TENM3: variants seen among roughly 807,000 people sequenced by gnomAD.
The protein encoded by TENM3 is teneurin transmembrane protein 3.
A neutral mutation model predicts 255.1 loss-of-function variants in TENM3; 63 were observed. That is an observed-to-expected ratio of 0.25 (90% confidence interval 0.20 to 0.30). The LOEUF is 0.30. Ranked by LOEUF, TENM3 falls within the 10% of genes least tolerant of loss-of-function variation. TENM3 has a pLI of 1.00. For synonymous variants in TENM3, 1,306 were observed against 1,322.3 expected, an observed-to-expected ratio of 0.99 and a Z score of 0.27; for missense variants, 2,929 against 3,461.1, an observed-to-expected ratio of 0.85 and a Z score of 3.86.
At chr4:181,979,095 GACATAT>G in the TENM3 span, among the ~76,000 whole-genome samples, 2 of 72,162 alleles carry the variant, frequency 2.8e-5, no homozygotes, top group African/African-American at 1.1e-4. Context: ...CATTAAGCCT[GACATAT>G]ATATATATAT....
At chr4:182,027,130 A>T in the TENM3 span, among the ~76,000 whole-genome samples, 1 of 151,982 alleles carries the variant, frequency 6.6e-6, no homozygotes, top group African/African-American at 2.4e-5. Context: ...TTCTTTCATC[A>T]GCAGTTTATA....
intron 5 of TENM3, among the ~76,000 whole-genome samples, chr4:182,639,138 ATTT>A (rs1333890410): frequency 6.6e-6 from 1 of 152,238 alleles, no homozygotes; most frequent in Non-Finnish European, 1.5e-5. Flanking sequence ...AAGAAGTAAT[ATTT>A]ATCACAGTGA....
chr4:182,354,416 A>G (rs1419960988), intron 3 of TENM3, among the ~76,000 whole-genome samples: 1 of 152,236 alleles, frequency 6.6e-6, no homozygotes, highest in Non-Finnish European at 1.5e-5. Flanking sequence ...GTGCTGAATC[A>G]GGTTTATTGA....
the TENM3 span, among the ~76,000 whole-genome samples, chr4:181,720,539 T>G: frequency 2.0e-5 from 3 of 152,346 alleles, no homozygotes; most frequent in African/African-American, 7.2e-5. Context: ...GATTTTTCAT[T>G]GACAAGCTGT....
chr4:181,764,765 ACTGCAAC>A, the TENM3 span, among the ~76,000 whole-genome samples: 1 of 152,160 alleles, frequency 6.6e-6, no homozygotes, highest in Non-Finnish European at 1.5e-5. Context: ...GTCTCGGCTC[ACTGCAAC>A]CTTCACGTCC....
At chr4:182,631,459 T>C (rs1751363014) in intron 5 of TENM3, 1 of 152,200 alleles carries the variant, frequency 6.6e-6, no homozygotes, top group Admixed American at 6.5e-5. Flanking sequence ...TAAAAAAATT[T>C]CATTCGCTCA....
intron 3 of TENM3, among the ~76,000 whole-genome samples, chr4:182,455,181 CTTAT>C (rs1165599121): frequency 1.3e-5 from 2 of 152,118 alleles, no homozygotes; most frequent in South Asian, 2.1e-4. Context: ...TCAGAAAGGA[CTTAT>C]TTGTTTAAGA....
At chr4:181,581,818 C>CGCCTCCT in the TENM3 span, among the ~76,000 whole-genome samples, 1 of 151,690 alleles carries the variant, frequency 6.6e-6, no homozygotes, top group Non-Finnish European at 1.5e-5. Context: ...CTGCAACCTC[C>CGCCTCCT]GCCTCCTGGA....
chr4:182,269,220 CA>C (rs968763300), intron 1 of TENM3, among the ~76,000 whole-genome samples: 6 of 152,032 alleles, frequency 3.9e-5, no homozygotes, highest in African/African-American at 1.4e-4. Flanking sequence ...TGTTGGTCTT[CA>C]GGGGTGTTTC....
intron 3 of TENM3, among the ~76,000 whole-genome samples, chr4:182,547,755 A>G (rs1741588818): frequency 6.6e-6 from 1 of 152,198 alleles, no homozygotes; most frequent in Non-Finnish European, 1.5e-5. Flanking sequence ...GTGTCATGTA[A>G]GGAACCAAAA....
At chr4:182,692,668 A>G (rs1212052840) in intron 12 of TENM3, among the ~76,000 whole-genome samples, 1 of 152,226 alleles carries the variant, frequency 6.6e-6, no homozygotes, top group Non-Finnish European at 1.5e-5. Flanking sequence ...TTTGTTAGAT[A>G]TAATGAAGAA....
Position 182,743,242 on chromosome 4 carries a change from G to C in TENM3, c.3452G>C (p.Gly1151Ala). Reference sequence around the variant, plus strand: ...CCTCCAGTCGTGAGTAGCATCATGGGCAATGGGCGAAGGCGCAGCATTTCC... The same window carrying C: ...CCTCCAGTCGTGAGTAGCATCATGGCCAATGGGCGAAGGCGCAGCATTTCC... ...QQPPVVSSIM[G>A]NGRRRSISCP... is the part of the protein sequence containing the mutation. Residue 1151 changes from glycine to alanine, a missense_variant, in exon 19 of 28, where the codon GGC (glycine) becomes GCC (alanine). This residue lies in a region of TENM3 where 1,608 missense variants were observed against 1,884.4 expected (regional missense o/e 0.85). Transcript: ENST00000511685. 1.2e-6 allele frequency: 2 copies of C among 1,614,040 alleles called. No homozygotes were observed. Among genetic ancestry groups the C allele is most frequent in the Non-Finnish European group, 1.7e-6 (2 of 1,179,894 alleles).
At chr4:182,169,897 T>G (rs892476344) in intron 1 of TENM3, among the ~76,000 whole-genome samples, 1 of 151,986 alleles carries the variant, frequency 6.6e-6, no homozygotes, top group Non-Finnish European at 1.5e-5. Flanking sequence ...TAATTTAATC[T>G]TACCATCTGG....
chr4:182,097,308 A>G, the TENM3 span, among the ~76,000 whole-genome samples: 1 of 152,114 alleles, frequency 6.6e-6, no homozygotes, highest in African/African-American at 2.4e-5. Context: ...CCTCACCTCC[A>G]TGTCAACAAC....
chr4:181,617,260 G>A, the TENM3 span, among the ~76,000 whole-genome samples: 2 of 152,140 alleles, frequency 1.3e-5, no homozygotes, highest in Non-Finnish European at 2.9e-5. Context: ...TGGGAATTCT[G>A]TGGGGAAAAA....
chr4:181,835,881 A>AT, the TENM3 span, among the ~76,000 whole-genome samples: 45 of 151,626 alleles, frequency 3.0e-4, no homozygotes, highest in South Asian at 6.1e-3. Context: ...CAGTGGGAAC[A>AT]TTTTTTTTTC....
At chr4:182,389,867 A>G (rs1768301084) in intron 3 of TENM3, among the ~76,000 whole-genome samples, 2 of 151,962 alleles carry the variant, frequency 1.3e-5, no homozygotes, top group Admixed American at 1.3e-4. Context: ...TTGTATTTTT[A>G]GTAGAGACAG....
At chr4:182,125,247 C>T in the TENM3 span, among the ~76,000 whole-genome samples, 3 of 152,176 alleles carry the variant, frequency 2.0e-5, no homozygotes, top group Non-Finnish European at 4.4e-5. Flanking sequence ...GTGTGCTACT[C>T]GCCCCTTCCA....
At chr4:181,702,986 C>T in the TENM3 span, among the ~76,000 whole-genome samples, 1 of 152,154 alleles carries the variant, frequency 6.6e-6, no homozygotes, top group Non-Finnish European at 1.5e-5. Context: ...CATATTAACT[C>T]ACTGAATCCT....
Sources: allele counts gnomAD v4.1 joint callset (sites outside exome capture counted in the v4.1 genomes callset), GRCh38; gene constraint gnomAD v4.1.1; regional missense constraint gnomAD v4.1.1; transcripts MANE v1.5; gene names NCBI Gene and HGNC (gene_info 2026-07-23, HGNC 2026-07-21).